The following HMCN1 variants were observed in gnomAD, a reference collection of about 807,000 sequenced individuals.
The protein encoded by HMCN1 is hemicentin 1.
HMCN1 carries 321 observed loss-of-function variants against 625.9 expected under a neutral mutation model. That is an observed-to-expected ratio of 0.51 (90% confidence interval 0.47 to 0.56). The LOEUF is 0.56. Among genes scored for constraint, HMCN1 ranks in the 20% least tolerant of loss-of-function variants. The pLI is 0.00. For missense variants in HMCN1, 6,588 were observed against 6,887.3 expected (o/e 0.96, Z 1.54); for synonymous variants, 2,425 against 2,417.6 (o/e 1.00, Z -0.09).
chr1:186,042,341 T>G (rs1474738793), intron 40 of HMCN1, among the ~76,000 whole-genome samples: 1 of 152,160 alleles, frequency 6.6e-6, no homozygotes. Context: ...TGAGACTGAT[T>G]CATCAATCAA....
At position 185,898,946 on chromosome 1, in the gene HMCN1, A is replaced by C. The variant is rs557906842; in HGVS notation, c.622-10391A>C. On this transcript the variant is annotated intron_variant, in intron 4 of 106. Transcript: ENST00000271588. ...TTGATTGGTGTGGTAAATGGGTTGC[A>C]ATCAATGTGTGATCCAAAGAATGGA... 2.6e-5 allele frequency among the ~76,000 whole-genome samples: 4 copies of C among 152,182 alleles called. No homozygotes were observed. The South Asian group carries it at 8.3e-4, about 32-fold the overall frequency.
intron 81 of HMCN1, among the ~76,000 whole-genome samples, chr1:186,124,120 A>G (rs1661529676): frequency 6.6e-6 from 1 of 152,136 alleles, no homozygotes; most frequent in Non-Finnish European, 1.5e-5. Context: ...AAATGTCTAT[A>G]GAAAATTTAC....
chr1:186,175,178 A>C (rs1458631403), intron 103 of HMCN1, among the ~76,000 whole-genome samples: 6 of 152,190 alleles, frequency 3.9e-5, no homozygotes, highest in Non-Finnish European at 7.4e-5. Flanking sequence ...CATCTTAGTT[A>C]TATTTGAATA....
intron 1 of HMCN1, among the ~76,000 whole-genome samples, chr1:185,789,865 T>C (rs1204637950): frequency 6.6e-6 from 1 of 152,202 alleles, no homozygotes; most frequent in Non-Finnish European, 1.5e-5. Context: ...GTGCAGTCAT[T>C]AACTCTATTT....
chr1:185,932,977 G>A (rs898386296), intron 10 of HMCN1, among the ~76,000 whole-genome samples: 1 of 151,978 alleles, frequency 6.6e-6, no homozygotes, highest in Non-Finnish European at 1.5e-5. Context: ...TGTGTATATG[G>A]CTCTATGTGT....
chr1:185,819,669 A>G (rs1242084159), intron 1 of HMCN1, among the ~76,000 whole-genome samples: 1 of 152,112 alleles, frequency 6.6e-6, no homozygotes, highest in Admixed American at 6.6e-5. Flanking sequence ...CTTCTTCAAT[A>G]TTTTACTTAA....
intron 1 of HMCN1, among the ~76,000 whole-genome samples, chr1:185,795,469 A>G (rs544016793): frequency 6.6e-6 from 1 of 152,316 alleles, no homozygotes; most frequent in South Asian, 2.1e-4. Context: ...CTAGTAACAC[A>G]TAAAATTTGG....
chr1:186,152,964 T>TG, intron 96 of HMCN1, 93 bp downstream of exon 96: 1 of 1,485,870 alleles, frequency 6.7e-7, no homozygotes, highest in Non-Finnish European at 9.4e-7. Flanking sequence ...GTTCACTCTG[T>TG]GGGGGAAAAT....
In HMCN1 at chr1:186,000,101, G is replaced by C; in HGVS notation, c.3931G>C (p.Glu1311Gln). 6.2e-7 allele frequency: 1 copy of C among 1,613,104 alleles called. No homozygotes were observed. The highest frequency in any genetic ancestry group is 8.5e-7 in the Non-Finnish European group (1 of 1,179,334). Residue 1311 changes from glutamate to glutamine, a missense_variant, in exon 26 of 107, where the codon GAG (glutamate) becomes CAG (glutamine). Coordinates refer to ENST00000271588, the MANE Select transcript of HMCN1 (RefSeq NM_031935.3). The part of the protein sequence containing the change: ...LHNGRELTGR[E>Q]PGISILEDGT... The stretch of plus-strand genomic sequence containing the variant: ...CAATGGTAGAGAGTTGACAGGCAGA[G>C]AGCCTGGCATTTCTATCTTGGAAGA...
intron 4 of HMCN1, among the ~76,000 whole-genome samples, chr1:185,881,062 C>G (rs1191879492): frequency 6.6e-6 from 1 of 152,204 alleles, no homozygotes; most frequent in Non-Finnish European, 1.5e-5. Flanking sequence ...TTACACTGCT[C>G]TTTTAGCTCT....
intron 93 of HMCN1, among the ~76,000 whole-genome samples, chr1:186,146,479 C>T (rs1368771710): frequency 5.3e-5 from 8 of 152,136 alleles, no homozygotes; most frequent in African/African-American, 1.9e-4. Context: ...AATACCTTGT[C>T]TCAGAAGGCA....
At chr1:185,761,403 C>T (rs1346258535) in intron 1 of HMCN1, among the ~76,000 whole-genome samples, 1 of 152,134 alleles carries the variant, frequency 6.6e-6, no homozygotes, top group East Asian at 1.9e-4. Context: ...CTGCCCATCC[C>T]ATTTTCCTTG....
At chr1:185,795,990 T>C (rs1371230958) in intron 1 of HMCN1, among the ~76,000 whole-genome samples, 2 of 152,174 alleles carry the variant, frequency 1.3e-5, no homozygotes, top group Non-Finnish European at 2.9e-5. Context: ...TAAAGTGAAG[T>C]TTTGTTAACA....
At chr1:186,097,303 G>A (rs145118169) in intron 68 of HMCN1, among the ~76,000 whole-genome samples, 40 of 152,090 alleles carry the variant, frequency 2.6e-4, no homozygotes, top group African/African-American at 8.7e-4. Flanking sequence ...CATATCCATC[G>A]GTTCCACATC....
chr1:185,785,650 C>T (rs1004921797), intron 1 of HMCN1, among the ~76,000 whole-genome samples: 2 of 152,110 alleles, frequency 1.3e-5, no homozygotes, highest in Non-Finnish European at 2.9e-5. Context: ...AATTTGGCTT[C>T]GTTCTGCCAT....
chr1:186,172,142 G>T lies in HMCN1; in HGVS notation c.15814+11G>T. 6.2e-7 allele frequency: 1 copy of T among 1,613,412 alleles called. No homozygotes were observed. Among genetic ancestry groups the T allele is most frequent in the South Asian group, 1.1e-5 (1 of 91,060 alleles). ...ATGGAACCTGTATTGGTGAGTGTCT[G>T]GCTGTTTCCGTGACTGAGATCAGTT... On this transcript the variant is annotated intron_variant, in intron 102 of 106. Coordinates refer to ENST00000271588, the MANE Select transcript of HMCN1 (RefSeq NM_031935.3).
At chr1:186,002,089 A>G (rs1653239330) in intron 28 of HMCN1, among the ~76,000 whole-genome samples, 1 of 152,066 alleles carries the variant, frequency 6.6e-6, no homozygotes, top group African/African-American at 2.4e-5. Context: ...ACAGGGTGAT[A>G]CAGAATATAT....
intron 97 of HMCN1, among the ~76,000 whole-genome samples, chr1:186,164,313 C>A (rs1201439060): frequency 2.0e-5 from 3 of 148,148 alleles, no homozygotes; most frequent in Non-Finnish European, 4.4e-5. Flanking sequence ...AATCTCGGCT[C>A]ACTACAAGCT....
chr1:185,762,404 C>A (rs1273861674), intron 1 of HMCN1, among the ~76,000 whole-genome samples: 2 of 152,114 alleles, frequency 1.3e-5, no homozygotes, highest in African/African-American at 4.8e-5. Context: ...CATTAAGGTG[C>A]TCAAAATATG....
Sources: allele counts gnomAD v4.1 joint callset (sites outside exome capture counted in the v4.1 genomes callset), GRCh38; gene constraint gnomAD v4.1.1; transcripts MANE v1.5; gene names NCBI Gene and HGNC (gene_info 2026-07-23, HGNC 2026-07-21).